ARHGAP21: variants seen among roughly 807,000 people sequenced by gnomAD.
ARHGAP21 encodes Rho GTPase activating protein 21.
A neutral mutation model predicts 164.6 loss-of-function variants in ARHGAP21; 38 were observed. The observed-to-expected ratio is 0.23, with a 90% CI of 0.18 to 0.30. The LOEUF (loss-of-function observed/expected upper bound fraction) is 0.30, where lower values mean the gene tolerates loss of function less well. Among genes scored for constraint, ARHGAP21 ranks in the 10% least tolerant of loss-of-function variants. ARHGAP21 has a pLI of 1.00. For missense variants in ARHGAP21, 1,822 were observed against 2,370.7 expected (o/e 0.77, Z 4.81); for synonymous variants, 766 against 857.9 (o/e 0.89, Z 1.87).
Position 24,600,839 on chromosome 10 carries a change from G to C in ARHGAP21, c.2939C>G (p.Thr980Arg). 6.2e-7 allele frequency: 1 copy of C among 1,614,148 alleles called. No homozygotes were observed. Among genetic ancestry groups the C allele is most frequent in the Non-Finnish European group, 8.5e-7 (1 of 1,179,992 alleles). ...LYLYKDKREQ[T>R]TPSEEEQPIS... ...GGGCTGCTCTTCCTCAGACGGAGTC[G>C]TCTGCTCTCTTTTATCTTTGTACAG... Residue 980 changes from threonine to arginine, a missense_variant, in exon 14 of 26, where the codon ACG becomes AGG. Physicochemically the swap from Thr to Arg is moderately conservative, Grantham distance 71. This residue lies in a region of ARHGAP21 where 1,090 missense variants were observed against 1,378.9 expected (regional missense o/e 0.79). Transcript: ENST00000396432.
At chr10:24,721,167 C>G (rs1329627404) in intron 2 of ARHGAP21, among the ~76,000 whole-genome samples, 1 of 152,124 alleles carries the variant, frequency 6.6e-6, no homozygotes. Flanking sequence ...CGCAACCCAC[C>G]TGACACCCCA....
intron 4 of ARHGAP21, among the ~76,000 whole-genome samples, chr10:24,645,443 G>A (rs563871950): frequency 1.3e-5 from 2 of 152,226 alleles, no homozygotes; most frequent in Admixed American, 6.5e-5. Flanking sequence ...AATTAGCAGG[G>A]TGTGGTGATG....
Position 24,607,553 on chromosome 10 carries a change from T to G in ARHGAP21, c.2630A>C (p.Glu877Ala). 1 of 1,614,104 alleles carries G rather than the reference T, an allele frequency of 6.2e-7. No individual in the cohort carries two copies. Among genetic ancestry groups the G allele is most frequent in the Non-Finnish European group, 8.5e-7 (1 of 1,180,030 alleles). ...SLDAQPNSKT[E>A]RSKSYDEGLD... is the part of the protein sequence containing the mutation. ...ACCCTCATCATATGATTTTGATCTT[T>G]CTGTCTTTGAGTTGGGCTGAGCATC... The change falls in exon 11 of 26, where the codon GAA (glutamate) becomes GCA (alanine). Residue 877 changes from glutamate (E) to alanine (A), a missense_variant. Coordinates refer to ENST00000396432, the MANE Select transcript of ARHGAP21 (RefSeq NM_020824.4).
chr10:24,677,275 A>C (rs1214044370), intron 2 of ARHGAP21, among the ~76,000 whole-genome samples: 1 of 152,156 alleles, frequency 6.6e-6, no homozygotes, highest in Non-Finnish European at 1.5e-5. Context: ...TTGTCTTTTC[A>C]AATCTATTTT....
chr10:24,668,951 T>C (rs1840448235), intron 3 of ARHGAP21, among the ~76,000 whole-genome samples: 1 of 152,202 alleles, frequency 6.6e-6, no homozygotes, highest in South Asian at 2.1e-4. Context: ...ACAATCCTAA[T>C]GTAATTATCA....
Position 24,633,401 on chromosome 10 carries a change from C to T in ARHGAP21, c.440+1G>A. 1 of 1,600,432 alleles carries T rather than the reference C, an allele frequency of 6.2e-7. No individual in the cohort carries two copies. ...GGGTTTTAATGTTTTAAGACTCTTACCTGTTTTGAATTAAAGCAATTACTT... is the reference window on the plus strand; with the variant it reads ...GGGTTTTAATGTTTTAAGACTCTTATCTGTTTTGAATTAAAGCAATTACTT... On this transcript the variant is annotated splice_donor_variant, in intron 6 of 25. Coordinates refer to ENST00000396432, the MANE Select transcript of ARHGAP21 (RefSeq NM_020824.4). LOFTEE classifies it high-confidence loss of function.
At chr10:24,699,499 A>G (rs193198262) in intron 2 of ARHGAP21, among the ~76,000 whole-genome samples, 84 of 151,738 alleles carry the variant, frequency 5.5e-4, no homozygotes, top group South Asian at 1.5e-3. Flanking sequence ...TAATTTTTGT[A>G]TTTTTAGTAG....
intron 3 of ARHGAP21, among the ~76,000 whole-genome samples, chr10:24,669,735 T>C (rs1247498671): frequency 6.6e-6 from 1 of 152,238 alleles, no homozygotes; most frequent in Non-Finnish European, 1.5e-5. Flanking sequence ...TACTGTCCAC[T>C]GAAGCCTGTC....
At chr10:24,634,354 A>G (rs1836161594) in intron 5 of ARHGAP21, among the ~76,000 whole-genome samples, 2 of 152,236 alleles carry the variant, frequency 1.3e-5, no homozygotes, top group South Asian at 4.1e-4. Flanking sequence ...TTTAAAAGGC[A>G]GTGAAATATA....
intron 2 of ARHGAP21, among the ~76,000 whole-genome samples, chr10:24,721,396 A>C (rs1037738195): frequency 6.6e-6 from 1 of 152,220 alleles, no homozygotes; most frequent in African/African-American, 2.4e-5. Context: ...AGAAAGACTA[A>C]GTTCCAGGTG....
In ARHGAP21 at chr10:24,710,888, G is replaced by C. The variant is rs142507686; in HGVS notation, c.63+10949C>G. Among the ~76,000 whole-genome samples, 231 of 152,200 alleles carry C rather than the reference G, an allele frequency of 1.5e-3. 5 individuals are homozygous for C. The East Asian group carries it at 0.038, about 25-fold the overall frequency. ...AGGCGGGTGGATCCCAAGGTCAGGA[G>C]TTCGAGAACAGCATGGCCAACATGG... is the stretch of plus-strand genomic sequence containing the variant. On this transcript the variant is annotated intron_variant, in intron 2 of 25. Coordinates refer to ENST00000396432, the MANE Select transcript of ARHGAP21 (RefSeq NM_020824.4).
Position 24,589,281 on chromosome 10 carries a change from G to T in ARHGAP21, c.4172C>A (p.Thr1391Lys). The T allele has an allele frequency of 6.2e-7, 1 of 1,608,042 alleles. No individual in the cohort carries two copies. Reference sequence around the variant, plus strand: ...TATGAAACAATTTACCTTAGATTTTGTTGAGTCACTAGTAGCTGAATCTGT... The same window carrying T: ...TATGAAACAATTTACCTTAGATTTTTTTGAGTCACTAGTAGCTGAATCTGT... ...DVSDSATSDS[T>K]KSKGSWGSGK... Residue 1391 changes from threonine (T) to lysine (K), a missense_variant, in exon 25 of 26, where the codon ACA becomes AAA. By Grantham distance (78) the Thr-to-Lys change is moderately conservative (BLOSUM62 -1). This residue lies in a region of ARHGAP21 where 333 missense variants were observed against 383.9 expected (regional missense o/e 0.87). Transcript: ENST00000396432.
At chr10:24,662,607 T>C (rs1403304889) in intron 4 of ARHGAP21, among the ~76,000 whole-genome samples, 1 of 152,242 alleles carries the variant, frequency 6.6e-6, no homozygotes, top group African/African-American at 2.4e-5. Context: ...CTTCCAAATA[T>C]ATTACAATTG....
At chr10:24,649,578 T>G (rs1837947364) in intron 4 of ARHGAP21, among the ~76,000 whole-genome samples, 2 of 152,146 alleles carry the variant, frequency 1.3e-5, no homozygotes, top group African/African-American at 4.8e-5. Context: ...ATTTTTAGGC[T>G]AACTCAGGTA....
intron 13 of ARHGAP21, 83 bp downstream of exon 13, chr10:24,601,895 G>A (rs2076829541): frequency 3.8e-6 from 5 of 1,299,320 alleles, no homozygotes; most frequent in South Asian, 2.7e-5. Flanking sequence ...TGGATATCAT[G>A]CCATTTTATG....
chr10:24,586,646 A>C (rs1002440918), intron 25 of ARHGAP21, among the ~76,000 whole-genome samples: 3 of 152,144 alleles, frequency 2.0e-5, no homozygotes, highest in Non-Finnish European at 2.9e-5. Context: ...AGATAAGGGA[A>C]CTCTGGTCTT....
chr10:24,694,500 G>A (rs980473019), intron 2 of ARHGAP21, among the ~76,000 whole-genome samples: 1 of 152,194 alleles, frequency 6.6e-6, no homozygotes, highest in Non-Finnish European at 1.5e-5. Context: ...AGGTACCTAT[G>A]TGACCTGCCC....
At chr10:24,663,107 C>T (rs1246582432) in intron 4 of ARHGAP21, among the ~76,000 whole-genome samples, 1 of 152,086 alleles carries the variant, frequency 6.6e-6, no homozygotes, top group African/African-American at 2.4e-5. Flanking sequence ...GTCCTGGAAG[C>T]AATCCCCTGG....
At position 24,627,589 on chromosome 10, in the gene ARHGAP21, C is replaced by T. The variant is rs149448756; in HGVS notation, c.495+2407G>A. On this transcript the variant is annotated intron_variant, in intron 7 of 25. Coordinates refer to ENST00000396432, the MANE Select transcript of ARHGAP21 (RefSeq NM_020824.4). ...TGTTACAGTATACCAGAACTCTTTA[C>T]TGCTGAGCCTTGAAGATCTGCATGC... Among the ~76,000 whole-genome samples, 901 of 152,266 alleles carry T rather than the reference C, an allele frequency of 5.9e-3. 9 individuals are homozygous for T. The highest frequency in any genetic ancestry group is 0.021 in the African/African-American group (867 of 41,562).
Sources: gnomAD v4.1 joint callset for allele counts (sites outside exome capture counted in the v4.1 genomes callset) on GRCh38, gnomAD v4.1.1 for gene constraint, gnomAD v4.1.1 regional missense constraint, MANE v1.5 for transcripts, NCBI Gene and HGNC (gene_info 2026-07-23, HGNC 2026-07-21) for gene names.